Variants in ASXL3 observed in about 807,000 individuals in gnomAD.
ASXL3 encodes the protein ASXL transcriptional regulator 3, also known as putative Polycomb group protein ASXL3.
ASXL3 carries 34 observed loss-of-function variants against 170.6 expected under a neutral mutation model. That is an observed-to-expected ratio of 0.20 (90% CI 0.15 to 0.27). The LOEUF is 0.27. Among genes scored for constraint, ASXL3 ranks in the 10% least tolerant of loss-of-function variants. ASXL3 has a pLI of 1.00. For missense variants in ASXL3, 2,592 were observed against 2,695.3 expected, an observed-to-expected ratio of 0.96 and a Z score of 0.85; for synonymous variants, 1,002 against 989.1, an observed-to-expected ratio of 1.01 and a Z score of -0.24.
chr18:33,694,043 G>A (rs1259006763), intron 8 of ASXL3, among the ~76,000 whole-genome samples: 1 of 152,072 alleles, frequency 6.6e-6, no homozygotes, highest in Admixed American at 6.6e-5. Flanking sequence ...CAAACACATG[G>A]GTCAAAGTCA....
intron 5 of ASXL3, among the ~76,000 whole-genome samples, chr18:33,668,543 G>C (rs138215380): frequency 6.6e-5 from 10 of 151,912 alleles, no homozygotes; most frequent in African/African-American, 2.4e-4. Flanking sequence ...CTAAGAAATA[G>C]TCAGGTTGTC....
chr18:33,705,692 G>C (rs1349210167), intron 8 of ASXL3, among the ~76,000 whole-genome samples: 1 of 151,982 alleles, frequency 6.6e-6, no homozygotes, highest in East Asian at 1.9e-4. Flanking sequence ...ATTCATGAAA[G>C]TGAAGAAATT....
At chr18:33,633,414 G>A (rs1027546212) in intron 2 of ASXL3, among the ~76,000 whole-genome samples, 7 of 152,118 alleles carry the variant, frequency 4.6e-5, no homozygotes, top group African/African-American at 9.7e-5. Context: ...ACATTACGTG[G>A]ATATTAAAAA....
Position 33,743,136 on chromosome 18 carries a change from G to T in ASXL3, c.3288G>T (p.Thr1096=), listed in dbSNP as rs543703623. ...AMGSPGEGGK[T]RTLAHIKEQT... ...GAAGTCCAGGAGAGGGTGGAAAGAC[G>T]AGAACTCTGGCACACATCAAAGAGC... The change falls in exon 12 of 12, where the codon ACG becomes ACT. Residue 1096 remains threonine (T), a synonymous_variant. Transcript: ENST00000269197. The T allele has an allele frequency of 6.2e-7, 1 of 1,613,862 alleles. No homozygotes were observed. Among genetic ancestry groups the T allele is most frequent in the Non-Finnish European group, 8.5e-7 (1 of 1,179,874 alleles).
rs547677505 is a variant in ASXL3, at chr18:33,638,159, TAGTG to T, written c.138-6734_138-6731del. ...TATATATATATATAATACACGCACA[TAGTG>T]TGTGTATATATATATCTTATGTGTA... is the stretch of plus-strand genomic sequence containing the variant. On this transcript the variant is annotated intron_variant, in intron 2 of 11. Transcript: ENST00000269197. Among the ~76,000 whole-genome samples, 960 of 150,282 alleles carry T rather than the reference TAGTG, an allele frequency of 6.4e-3. 14 individuals carry two copies. Among genetic ancestry groups the T allele is most frequent in the African/African-American group, 0.022 (907 of 41,038 alleles).
intron 1 of ASXL3, among the ~76,000 whole-genome samples, chr18:33,585,254 C>A (rs1273932141): frequency 6.6e-6 from 1 of 152,012 alleles, no homozygotes; most frequent in East Asian, 1.9e-4. Flanking sequence ...CTGTATACAA[C>A]CACTTTCAGC....
intron 8 of ASXL3, among the ~76,000 whole-genome samples, chr18:33,683,907 TAAAAAGCCA>T (rs1245146077): frequency 6.6e-6 from 1 of 152,108 alleles, no homozygotes; most frequent in Non-Finnish European, 1.5e-5. Context: ...AATGCAGCAA[TAAAAAGCCA>T]GGGTTTCTAA....
At chr18:33,654,059 A>G (rs1167455516) in intron 4 of ASXL3, among the ~76,000 whole-genome samples, 1 of 151,998 alleles carries the variant, frequency 6.6e-6, no homozygotes, top group Non-Finnish European at 1.5e-5. Flanking sequence ...GATTTTGGTC[A>G]ATTTTAACAG....
At chr18:33,702,908 C>A (rs2066899442) in intron 8 of ASXL3, among the ~76,000 whole-genome samples, 1 of 152,084 alleles carries the variant, frequency 6.6e-6, no homozygotes, top group African/African-American at 2.4e-5. Flanking sequence ...GCTTTGATAT[C>A]ACACCCAGAC....
At chr18:33,655,287 T>C (rs2066064760) in intron 4 of ASXL3, among the ~76,000 whole-genome samples, 1 of 152,172 alleles carries the variant, frequency 6.6e-6, no homozygotes, top group Middle Eastern at 3.4e-3. Flanking sequence ...AGAGGCTTAA[T>C]TGGGCTAATG....
intron 8 of ASXL3, among the ~76,000 whole-genome samples, chr18:33,713,254 T>TTTTG (rs1568343515): frequency 2.7e-5 from 3 of 110,034 alleles, no homozygotes; most frequent in Non-Finnish European, 3.7e-5. Context: ...TTTTGTTTTT[T>TTTTG]TTTTTTTTTT....
chr18:33,700,417 A>G (rs546335553), intron 8 of ASXL3, among the ~76,000 whole-genome samples: 2 of 151,914 alleles, frequency 1.3e-5, no homozygotes, highest in Admixed American at 6.6e-5. Flanking sequence ...CTAGTGGAAA[A>G]TCTAGGGCAT....
chr18:33,737,328 C>T (rs1030600903), intron 10 of ASXL3, among the ~76,000 whole-genome samples: 1 of 152,136 alleles, frequency 6.6e-6, no homozygotes, highest in African/African-American at 2.4e-5. Flanking sequence ...GTATTGTTTG[C>T]ATCAATGTTA....
intron 7 of ASXL3, among the ~76,000 whole-genome samples, chr18:33,679,700 A>G (rs1395203311): frequency 6.6e-6 from 1 of 152,110 alleles, no homozygotes; most frequent in Non-Finnish European, 1.5e-5. Context: ...TTTTTTAAAA[A>G]GTTTTTACAC....
At chr18:33,647,984 G>C (rs1488908438) in intron 4 of ASXL3, among the ~76,000 whole-genome samples, 12 of 152,110 alleles carry the variant, frequency 7.9e-5, no homozygotes, top group Non-Finnish European at 5.9e-5. Flanking sequence ...AGGCAGGAGA[G>C]TGCCTGGAAT....
chr18:33,713,212 C>A (rs1328365216), intron 8 of ASXL3, among the ~76,000 whole-genome samples: 1 of 135,624 alleles, frequency 7.4e-6, no homozygotes, highest in Admixed American at 8.3e-5. Flanking sequence ...AGGCAGTTAG[C>A]AATCTACCAC....
chr18:33,670,290 A>T (rs1190110977), intron 5 of ASXL3, among the ~76,000 whole-genome samples: 1 of 152,258 alleles, frequency 6.6e-6, no homozygotes, highest in Non-Finnish European at 1.5e-5. Flanking sequence ...CGCACCTGCG[A>T]GAGAAGTGCA....
At chr18:33,707,323 T>G (rs1465284381) in intron 8 of ASXL3, among the ~76,000 whole-genome samples, 1 of 151,968 alleles carries the variant, frequency 6.6e-6, no homozygotes, top group Non-Finnish European at 1.5e-5. Context: ...TTGAAACTTT[T>G]GCCACATTGA....
chr18:33,742,729 G>T (rs921919408), intron 11 of ASXL3, among the ~76,000 whole-genome samples, 159 bp from the exon 12 acceptor site: 1 of 152,074 alleles, frequency 6.6e-6, no homozygotes, highest in Admixed American at 6.5e-5. Flanking sequence ...GTTTCTTATT[G>T]CTTTATGCCC....
Sources: gnomAD v4.1 joint callset for allele counts (sites outside exome capture counted in the v4.1 genomes callset) on GRCh38, gnomAD v4.1.1 for gene constraint, MANE v1.5 for transcripts, NCBI Gene and HGNC (gene_info 2026-07-23, HGNC 2026-07-21) for gene names.